ZBTB8OS: variants seen among roughly 807,000 people sequenced by gnomAD.
ZBTB8OS encodes tRNA-splicing ligase-activating factor archease.
Under a neutral mutation model 29.3 loss-of-function variants are expected in ZBTB8OS, and 16 were observed. The observed-to-expected ratio is 0.55, with a 90% CI of 0.37 to 0.83. The LOEUF (loss-of-function observed/expected upper bound fraction) is 0.83. ZBTB8OS is among the 40% of genes least tolerant of loss of function. The pLI, the probability that ZBTB8OS is intolerant of heterozygous loss-of-function variation, is 0.00. For missense variants in ZBTB8OS, 160 were observed against 196.9 expected (o/e 0.81, Z 1.12); for synonymous variants, 70 against 64.6 (o/e 1.08, Z -0.40).
chr1:32,629,189 T>G (rs1006586853), intron 5 of ZBTB8OS, among the ~76,000 whole-genome samples: 4 of 151,592 alleles, frequency 2.6e-5, no homozygotes, highest in Non-Finnish European at 4.4e-5. Context: ...GGCAGGAAGA[T>G]AGCTTGAGCT....
intron 6 of ZBTB8OS, among the ~76,000 whole-genome samples, chr1:32,625,152 G>T (rs546052633): frequency 4.6e-5 from 7 of 151,900 alleles, no homozygotes; most frequent in Admixed American, 1.3e-4. Context: ...GAACCTGGGA[G>T]GGGGAGGTTG....
intron 1 of ZBTB8OS, among the ~76,000 whole-genome samples, chr1:32,647,866 T>C (rs1004497498): frequency 2.0e-5 from 3 of 152,190 alleles, no homozygotes; most frequent in Non-Finnish European, 2.9e-5. Context: ...GCACAATAAA[T>C]GTAATGCGCT....
chr1:32,644,790 C>T (rs1035394271), intron 1 of ZBTB8OS, among the ~76,000 whole-genome samples: 1 of 149,964 alleles, frequency 6.7e-6, no homozygotes, highest in Non-Finnish European at 1.5e-5. Flanking sequence ...AGAAATCCTC[C>T]GGCTTAGGCC....
At chr1:32,626,884 T>C (rs1020371305) in intron 6 of ZBTB8OS, among the ~76,000 whole-genome samples, 3 of 152,132 alleles carry the variant, frequency 2.0e-5, no homozygotes, top group African/African-American at 7.2e-5. Flanking sequence ...GGGAAAAAAA[T>C]CAAAACAATG....
At chr1:32,627,230 T>C (rs1053712688) in intron 6 of ZBTB8OS, among the ~76,000 whole-genome samples, 2 of 152,164 alleles carry the variant, frequency 1.3e-5, no homozygotes, top group African/African-American at 4.8e-5. Context: ...ATCTTTATTA[T>C]AGGAGAAGAA....
chr1:32,632,116 C>T lies in ZBTB8OS; in HGVS notation c.328-237G>A, dbSNP rs777076276. The T allele has an allele frequency of 1.6e-4, 37 of 225,054 alleles. 1 individual carries two copies. The highest frequency in any genetic ancestry group is 3.6e-3 in the Middle Eastern group (2 of 548). The allele number at this position is 225,054 out of a possible 1,614,324, so 13.9% of individuals were successfully genotyped here. The stretch of plus-strand genomic sequence containing the variant: ...TCCCAGGTTCAAGCAATTCTCCTGT[C>T]TCAACCTGCTGAGCATCTGGGACTA... On this transcript the variant is annotated intron_variant, in intron 4 of 6. Coordinates refer to ENST00000468695, the MANE Select transcript of ZBTB8OS (RefSeq NM_178547.5).
Position 32,631,876 on chromosome 1 carries a change from C to T in ZBTB8OS, c.331G>A (p.Val111Met). ...CTTTGATCAATGCTAAGTACTTTCA[C>T]TTCCTAGACAGGAAGAAAAATTTTT... The part of the protein sequence containing the change: ...SADEFFIPRE[V>M]KVLSIDQRNF... Residue 111 changes from valine (V) to methionine (M), a missense_variant, in exon 5 of 7, where the codon GTG becomes ATG. By Grantham distance (21) the Val-to-Met change is conservative. Coordinates refer to ENST00000468695, the MANE Select transcript of ZBTB8OS (RefSeq NM_178547.5). The T allele has an allele frequency of 6.4e-7, 1 of 1,558,302 alleles. No individual in the cohort carries two copies.
intron 1 of ZBTB8OS, among the ~76,000 whole-genome samples, chr1:32,643,202 C>G (rs1646567968): frequency 6.7e-6 from 1 of 149,698 alleles, no homozygotes; most frequent in Non-Finnish European, 1.5e-5. Context: ...TCCCAAGTAA[C>G]TGGGATTACA....
Position 32,631,879 on chromosome 1 carries a change from C to T in ZBTB8OS, c.328G>A (p.Glu110Lys). 1.9e-6 allele frequency: 3 copies of T among 1,544,182 alleles called. No individual in the cohort carries two copies. Among genetic ancestry groups the T allele is most frequent in the African/African-American group, 1.4e-5 (1 of 71,544 alleles). The change falls in exon 5 of 7, where the codon GAA (glutamate) becomes AAA (lysine). Residue 110 changes from glutamate (E) to lysine (K), a missense_variant and splice_region_variant. Glu to Lys is a moderately conservative substitution (Grantham distance 56, BLOSUM62 1). Coordinates refer to ENST00000468695, the MANE Select transcript of ZBTB8OS (RefSeq NM_178547.5). ...TGATCAATGCTAAGTACTTTCACTT[C>T]CTAGACAGGAAGAAAAATTTTTTAA... Reference protein sequence around the residue: ...FSADEFFIPREVKVLSIDQRN... With the variant: ...FSADEFFIPRKVKVLSIDQRN...
intron 1 of ZBTB8OS, among the ~76,000 whole-genome samples, chr1:32,636,201 C>A (rs1645941069): frequency 6.6e-6 from 1 of 152,120 alleles, no homozygotes; most frequent in Non-Finnish European, 1.5e-5. Context: ...CTTCCCAAGC[C>A]CCTACCAGCC....
At chr1:32,637,360 G>T (rs138765588) in intron 1 of ZBTB8OS, among the ~76,000 whole-genome samples, 248 of 151,514 alleles carry the variant, frequency 1.6e-3, no homozygotes, top group African/African-American at 5.8e-3. Flanking sequence ...TCAGGGGCTC[G>T]AGACCAGCCT....
In ZBTB8OS at chr1:32,650,547, C is replaced by A. The variant is rs765268861; in HGVS notation, c.-18G>T. The A allele has an allele frequency of 2.3e-5, 37 of 1,613,992 alleles. No homozygotes were observed. The South Asian group carries it at 3.6e-4, about 16-fold the overall frequency. On this transcript the variant is annotated 5_prime_UTR_variant, in exon 1 of 7. Transcript: ENST00000468695. ...TGCGCCATGACTGCAGGATTAGACA[C>A]TCTACTTCCGCCCTTCATCCACCGG...
intron 1 of ZBTB8OS, among the ~76,000 whole-genome samples, chr1:32,638,176 C>T (rs1646131116): frequency 2.0e-5 from 3 of 149,324 alleles, no homozygotes; most frequent in Non-Finnish European, 4.4e-5. Flanking sequence ...ATTTAAAAGA[C>T]AGTGACACAC....
At position 32,642,955 on chromosome 1, in the gene ZBTB8OS, G is replaced by C. The variant is rs963782597; in HGVS notation, c.97+7478C>G. Among the ~76,000 whole-genome samples the C allele has an allele frequency of 2.0e-5, 3 of 147,818 alleles. No homozygotes were observed. In the Admixed American group the frequency reaches 2.1e-4, roughly 10 times the overall value. ...ACGGCTAATTTTTGTATTTTTAGTA[G>C]AGACAGAGTTTCACCATGTTGGCCA... On this transcript the variant is annotated intron_variant, in intron 1 of 6. Transcript: ENST00000468695.
Position 32,631,862 on chromosome 1 carries a change from G to A in ZBTB8OS, c.345C>T (p.Ser115=), listed in dbSNP as rs1570546108. The A allele has an allele frequency of 6.3e-7, 1 of 1,589,010 alleles. No individual in the cohort carries two copies. Among genetic ancestry groups the A allele is most frequent in the Non-Finnish European group, 8.6e-7 (1 of 1,168,018 alleles). The change falls in exon 5 of 7, where the codon AGC becomes AGT. Residue 115 remains serine, a synonymous_variant. Coordinates refer to ENST00000468695, the MANE Select transcript of ZBTB8OS (RefSeq NM_178547.5). ...FFIPREVKVL[S]IDQRNFKLRS... ...GTAATTTGAAATTTCTTTGATCAATGCTAAGTACTTTCACTTCCTAGACAG... is the reference window on the plus strand; with the variant it reads ...GTAATTTGAAATTTCTTTGATCAATACTAAGTACTTTCACTTCCTAGACAG...
At chr1:32,633,200 A>G (rs77060562) in intron 4 of ZBTB8OS, 1,821 of 153,136 alleles carry the variant, frequency 0.012, 27 homozygotes, top group Middle Eastern at 0.027. Flanking sequence ...GGATGGACAT[A>G]AATATAGCTC....
upstream of ZBTB8OS, chr1:32,650,828 C>T (rs1469681497): frequency 3.9e-6 from 2 of 512,136 alleles, no homozygotes; most frequent in East Asian, 3.4e-5. Flanking sequence ...GGTTCTTTCC[C>T]CCGCTTCACC....
At chr1:32,638,261 A>C (rs1199793187) in intron 1 of ZBTB8OS, among the ~76,000 whole-genome samples, 2 of 122,930 alleles carry the variant, frequency 1.6e-5, no homozygotes, top group African/African-American at 6.4e-5. Context: ...TTTGAGACAG[A>C]GCCTCGCTGC....
intron 1 of ZBTB8OS, 141 bp downstream of exon 1, chr1:32,650,292 G>A: frequency 8.6e-7 from 1 of 1,160,036 alleles, no homozygotes; most frequent in Non-Finnish European, 1.2e-6. Flanking sequence ...AAGTACGAAC[G>A]CGACTACAAC....
Sources: gnomAD v4.1 joint callset for allele counts (sites outside exome capture counted in the v4.1 genomes callset) on GRCh38, gnomAD v4.1.1 for gene constraint, MANE v1.5 for transcripts, NCBI Gene and HGNC (gene_info 2026-07-23, HGNC 2026-07-21) for gene names.